The following MET variants were observed in gnomAD, a reference collection of about 807,000 sequenced individuals.
MET encodes MET proto-oncogene, receptor tyrosine kinase.
MET carries 48 observed loss-of-function variants against 133.1 expected under a neutral mutation model. That is an observed-to-expected ratio of 0.36 (90% CI 0.29 to 0.46). The LOEUF is 0.46. MET is among the 20% of genes least tolerant of loss of function. The probability of loss-of-function intolerance (pLI) is 1.00; values close to 1 mark genes in which losing one functional copy is unlikely to be tolerated. For synonymous variants in MET, 628 were observed against 616.5 expected, an observed-to-expected ratio of 1.02 and a Z score of -0.28; for missense variants, 1,442 against 1,695.9, an observed-to-expected ratio of 0.85 and a Z score of 2.63.
chr7:116,724,774 A>G, intron 2 of MET: 1 of 1,269,152 alleles, frequency 7.9e-7, no homozygotes, highest in Non-Finnish European at 1.0e-6. Flanking sequence ...CTTTACAGGC[A>G]GAAAATGTGC....
chr7:116,730,472 T>C (rs1483988942), intron 2 of MET, among the ~76,000 whole-genome samples: 1 of 152,216 alleles, frequency 6.6e-6, no homozygotes, highest in Non-Finnish European at 1.5e-5. Context: ...AAAATCCTGC[T>C]GCAGTGTGAA....
intron 19 of MET, among the ~76,000 whole-genome samples, chr7:116,790,788 C>T (rs1162426350): frequency 1.3e-5 from 2 of 152,054 alleles, no homozygotes; most frequent in East Asian, 3.9e-4. Context: ...AGTTAAAGAA[C>T]ATTTGGGGCC....
intron 2 of MET, among the ~76,000 whole-genome samples, chr7:116,727,433 G>T (rs866717311): frequency 1.3e-5 from 2 of 152,294 alleles, no homozygotes; most frequent in Middle Eastern, 6.8e-3. Context: ...ACCCACCTCA[G>T]TGCCTGGCAC....
chr7:116,717,531 C>T (rs1427153432), intron 2 of MET, among the ~76,000 whole-genome samples: 1 of 152,112 alleles, frequency 6.6e-6, no homozygotes, highest in Non-Finnish European at 1.5e-5. Flanking sequence ...ATGTATTTCC[C>T]AGAAAACCAT....
In MET at chr7:116,699,333, G is replaced by A. The variant is rs751158831; in HGVS notation, c.249G>A (p.Glu83=). ...AGGAAGACCTTCAGAAGGTTGCTGA[G>A]TACAAGACTGGGCCTGTGCTGGAAC... is the stretch of plus-strand genomic sequence containing the variant. ...LNEEDLQKVA[E]YKTGPVLEHP... Residue 83 remains glutamate, a synonymous_variant, in exon 2 of 21, where the codon GAG becomes GAA. Transcript: ENST00000397752. The A allele has an allele frequency of 1.2e-6, 2 of 1,614,046 alleles. No homozygotes were observed. The highest frequency in any genetic ancestry group is 1.7e-6 in the Non-Finnish European group (2 of 1,179,952).
intron 16 of MET, among the ~76,000 whole-genome samples, chr7:116,777,823 C>T (rs1442851708): frequency 6.6e-6 from 1 of 152,014 alleles, no homozygotes; most frequent in East Asian, 1.9e-4. Flanking sequence ...CTCATTTTAC[C>T]CAGAGGCATT....
chr7:116,754,666 A>C (rs949000945), intron 5 of MET, among the ~76,000 whole-genome samples: 1 of 151,556 alleles, frequency 6.6e-6, no homozygotes, highest in African/African-American at 2.4e-5. Context: ...GAAAAAAAAA[A>C]AATAGCCAAG....
Position 116,755,460 on chromosome 7 carries a change from G to A in MET, c.1807G>A (p.Val603Ile), listed in dbSNP as rs2116910262. 2.5e-6 allele frequency: 4 copies of A among 1,614,106 alleles called. No individual in the cohort carries two copies. The highest frequency in any genetic ancestry group is 1.1e-5 in the South Asian group (1 of 91,078). ...NNKFDLKKTR[V>I]LLGNESCTLT... Reference sequence around the variant, plus strand: ...TAAATTTGATTTAAAGAAAACTAGAGTTCTCCTTGGAAATGAGAGCTGCAC... The same window carrying A: ...TAAATTTGATTTAAAGAAAACTAGAATTCTCCTTGGAAATGAGAGCTGCAC... Residue 603 changes from valine to isoleucine, a missense_variant, in exon 6 of 21, where the codon GTT becomes ATT. This residue lies in a region of MET where 762 missense variants were observed against 792.4 expected (regional missense o/e 0.96). Transcript: ENST00000397752.
chr7:116,699,025 C>T, intron 1 of MET, 46 bp from the exon 2 acceptor site: 2 of 1,612,254 alleles, frequency 1.2e-6, no homozygotes, highest in Non-Finnish European at 1.7e-6. Context: ...GTTTTCTCTT[C>T]ATTTCTGACA....
intron 2 of MET, among the ~76,000 whole-genome samples, chr7:116,706,799 C>A (rs901865131): frequency 1.3e-5 from 2 of 151,834 alleles, no homozygotes; most frequent in Non-Finnish European, 1.5e-5. Context: ...ACATCTCCAG[C>A]GTCCAGGGAG....
At chr7:116,783,500 T>G in intron 19 of MET, 31 bp downstream of exon 19, 1 of 1,612,806 alleles carries the variant, frequency 6.2e-7, no homozygotes, top group Non-Finnish European at 8.5e-7. Flanking sequence ...GAGTTTCTCC[T>G]CTTTTACTTT....
rs748950533 is a variant in MET at position 116,769,719 on chromosome 7, C to T, written c.2658C>T (p.His886=). The change falls in exon 12 of 21, where the codon CAC becomes CAT. Residue 886 remains histidine (H), a synonymous_variant. Transcript: ENST00000397752. ...KVGNKSCENI[H]LHSEAVLCTV... is the part of the protein sequence containing the mutation. ...GAAATAAGAGCTGTGAGAATATACA[C>T]TTACATTCTGAAGCCGTTTTATGCA... is the stretch of plus-strand genomic sequence containing the variant. 83 of 1,612,918 alleles carry T rather than the reference C, an allele frequency of 5.1e-5. No homozygotes were observed. The highest frequency in any genetic ancestry group is 1.8e-5 in the Non-Finnish European group (21 of 1,179,712).
At position 116,738,189 on chromosome 7, in the gene MET, G is replaced by A. The variant is rs558839515; in HGVS notation, c.1393-1761G>A. Among the ~76,000 whole-genome samples the A allele has an allele frequency of 1.4e-4, 21 of 152,224 alleles. 1 individual carries two copies. The highest frequency in any genetic ancestry group is 5.1e-4 in the African/African-American group (21 of 41,546). ...GCTTTTGTGTTTTTGTTTTTGTTTT[G>A]TTTTTTGTTTTACCTTTGCAGTTTG... On this transcript the variant is annotated intron_variant, in intron 3 of 20. Coordinates refer to ENST00000397752, the MANE Select transcript of MET (RefSeq NM_000245.4).
Position 116,699,571 on chromosome 7 carries a change from T to TC in MET, c.491dup (p.Gln165ThrfsTer10). The TC allele has an allele frequency of 6.2e-7, 1 of 1,613,906 alleles. No homozygotes were observed. Among genetic ancestry groups the TC allele is most frequent in the Non-Finnish European group, 8.5e-7 (1 of 1,179,924 alleles). On this transcript the variant is annotated frameshift_variant, in exon 2 of 21. Transcript: ENST00000397752. LOFTEE classifies it high-confidence loss of function. ...ACAGTCGGAGGTTCACTGCATATTC[T>TC]CCCCACAGATAGAAGAGCCCAGCCA...
Position 116,699,984 on chromosome 7 carries a change from C to T in MET, c.900C>T (p.Leu300=), listed in dbSNP as rs540354779. 2.7e-5 allele frequency: 44 copies of T among 1,613,924 alleles called. No homozygotes were observed. Among genetic ancestry groups the T allele is most frequent in the Middle Eastern group, 3.3e-4 (2 of 6,062 alleles). Residue 300 remains leucine (L), a synonymous_variant, in exon 2 of 21, where the codon CTC becomes CTT. Coordinates refer to ENST00000397752, the MANE Select transcript of MET (RefSeq NM_000245.4). ...TGGAAATGCCTCTGGAGTGTATTCTCACAGAAAAGAGAAAAAAGAGATCCA... is the reference window on the plus strand; with the variant it reads ...TGGAAATGCCTCTGGAGTGTATTCTTACAGAAAAGAGAAAAAAGAGATCCA... ...SYMEMPLECI[L]TEKRKKRSTK...
intron 2 of MET, among the ~76,000 whole-genome samples, chr7:116,701,333 A>G (rs1010136649): frequency 6.6e-6 from 1 of 152,182 alleles, no homozygotes; most frequent in Non-Finnish European, 1.5e-5. Context: ...GTTTCAATCT[A>G]AGATATAAAG....
intron 5 of MET, among the ~76,000 whole-genome samples, chr7:116,747,264 T>A (rs556249753): frequency 3.0e-4 from 45 of 152,250 alleles, no homozygotes; most frequent in Middle Eastern, 6.8e-3. Context: ...AGGATCAAAT[T>A]CACACATAAC....
At chr7:116,707,796 C>A (rs548154106) in intron 2 of MET, among the ~76,000 whole-genome samples, 1 of 152,264 alleles carries the variant, frequency 6.6e-6, no homozygotes, top group South Asian at 2.1e-4. Context: ...ATAGCGAAAA[C>A]TAATATCTCT....
chr7:116,712,585 C>T lies in MET; in HGVS notation c.1200+12301C>T, dbSNP rs151079868. Reference sequence around the variant, plus strand: ...TTTAGATAAAACAGTTTTTCCGTCTCTCCCCTAAATCCCTAAAAACTAATT... The same window carrying T: ...TTTAGATAAAACAGTTTTTCCGTCTTTCCCCTAAATCCCTAAAAACTAATT... On this transcript the variant is annotated intron_variant, in intron 2 of 20. Transcript: ENST00000397752. Among the ~76,000 whole-genome samples the T allele has an allele frequency of 1.4e-4, 22 of 152,312 alleles. No homozygotes were observed. The East Asian group carries it at 4.2e-3, about 29-fold the overall frequency.
Sources: gnomAD v4.1 joint callset for allele counts (sites outside exome capture counted in the v4.1 genomes callset) on GRCh38, gnomAD v4.1.1 for gene constraint, gnomAD v4.1.1 regional missense constraint, MANE v1.5 for transcripts, NCBI Gene and HGNC (gene_info 2026-07-23, HGNC 2026-07-21) for gene names.